Variants in GCA observed in about 807,000 individuals in gnomAD.
GCA encodes grancalcin.
GCA carries 30 observed loss-of-function variants against 32.6 expected under a neutral mutation model. The observed-to-expected ratio is 0.92, with a 90% CI of 0.69 to 1.25. The LOEUF is 1.25. GCA is among the 50% of genes most tolerant of loss of function. GCA has a pLI of 0.00. For missense variants in GCA, 291 were observed against 266.8 expected, an observed-to-expected ratio of 1.09 and a Z score of -0.63; for synonymous variants, 102 against 84.6, an observed-to-expected ratio of 1.21 and a Z score of -1.13.
At position 162,360,961 on chromosome 2, in the gene GCA, G is replaced by C; in HGVS notation, c.*718G>C. 2.7e-6 allele frequency: 3 copies of C among 1,129,900 alleles called. No individual in the cohort carries two copies. The African/African-American group carries it at 4.8e-5, about 18-fold the overall frequency. The allele number at this position is 1,129,900 out of a possible 1,614,324, so 70.0% of individuals were successfully genotyped here. On this transcript the variant is annotated 3_prime_UTR_variant, in exon 8 of 8. Coordinates refer to ENST00000437150, the MANE Select transcript of GCA (RefSeq NM_012198.5). ...GTCCTATTTCATTAGTGAAGACATA[G>C]TTCACCTAAAATGGCATCCTGCTCT...
In GCA at chr2:162,347,678, A is replaced by T; in HGVS notation, c.128A>T (p.Tyr43Phe). 1 of 1,610,136 alleles carries T rather than the reference A, an allele frequency of 6.2e-7. No homozygotes were observed. The highest frequency in any genetic ancestry group is 8.5e-7 in the Non-Finnish European group (1 of 1,177,306). Residue 43 changes from tyrosine to phenylalanine, a missense_variant, in exon 2 of 8, where the codon TAT becomes TTT. Coordinates refer to ENST00000437150, the MANE Select transcript of GCA (RefSeq NM_012198.5). ...ILLDGYSGPA[Y>F]SDTYSSAGDS... The stretch of plus-strand genomic sequence containing the variant: ...CTCGATGGATACTCTGGGCCAGCAT[A>T]TTCAGACACTTATTCCTCAGCTGGT...
intron 1 of GCA, among the ~76,000 whole-genome samples, chr2:162,333,961 A>G (rs903695387): frequency 3.3e-5 from 5 of 152,222 alleles, no homozygotes; most frequent in African/African-American, 9.6e-5. Context: ...GATGAGGCCA[A>G]TTACTGCCTA....
chr2:162,342,872 AT>A (rs1169478177), upstream of GCA, among the ~76,000 whole-genome samples: 1 of 152,166 alleles, frequency 6.6e-6, no homozygotes, highest in Admixed American at 6.5e-5. Flanking sequence ...TAAGCCATGC[AT>A]TTTTCCCTTT....
At position 162,362,637 on chromosome 2, in the gene GCA, A is replaced by G. The variant is rs1685625810; in HGVS notation, c.*2394A>G. Reference sequence around the variant, plus strand: ...AATAAACATTCAAATAGCTTGCTGTAAAGTTTTGTATCATACAAAATCTGT... The same window carrying G: ...AATAAACATTCAAATAGCTTGCTGTGAAGTTTTGTATCATACAAAATCTGT... On this transcript the variant is annotated 3_prime_UTR_variant, in exon 8 of 8. Transcript: ENST00000437150. 1.2e-6 allele frequency: 1 copy of G among 840,256 alleles called. No individual in the cohort carries two copies. Among genetic ancestry groups the G allele is most frequent in the African/African-American group, 1.8e-5 (1 of 54,350 alleles). 52.1% of individuals were successfully genotyped at this position (840,256 alleles called of 1,614,324 possible).
intron 3 of GCA, among the ~76,000 whole-genome samples, chr2:162,354,877 C>T (rs964086587): frequency 2.6e-5 from 4 of 152,138 alleles, no homozygotes; most frequent in African/African-American, 9.7e-5. Flanking sequence ...GTCAACTTTC[C>T]TGAAAAGTCT....
upstream of GCA, among the ~76,000 whole-genome samples, chr2:162,341,428 T>G (rs1216767118): frequency 6.6e-6 from 1 of 151,644 alleles, no homozygotes; most frequent in Non-Finnish European, 1.5e-5. Flanking sequence ...GAAAAAGAAC[T>G]GCAGTTAATT....
downstream of GCA, among the ~76,000 whole-genome samples, chr2:162,367,428 A>C (rs1685787640): frequency 6.6e-6 from 1 of 152,016 alleles, no homozygotes; most frequent in Admixed American, 6.6e-5. Flanking sequence ...ATAGATCTAA[A>C]GAAGGACTTC....
At chr2:162,320,720 T>C (rs1163581991) in intron 1 of GCA, among the ~76,000 whole-genome samples, 2 of 152,220 alleles carry the variant, frequency 1.3e-5, no homozygotes, top group East Asian at 3.8e-4. Flanking sequence ...TAAGTATCTA[T>C]TACATGACCA....
At chr2:162,353,924 A>G (rs1402114413) in intron 3 of GCA, among the ~76,000 whole-genome samples, 1 of 151,350 alleles carries the variant, frequency 6.6e-6, no homozygotes, top group East Asian at 1.9e-4. Flanking sequence ...CTTTTTGGGA[A>G]TTTTCCTCAA....
intron 1 of GCA, among the ~76,000 whole-genome samples, chr2:162,329,159 T>C (rs1322800693): frequency 6.6e-6 from 1 of 152,084 alleles, no homozygotes. Flanking sequence ...TCTTGGGAAA[T>C]GCAACATTTG....
downstream of GCA, chr2:162,372,182 T>C: frequency 9.3e-7 from 1 of 1,077,324 alleles, no homozygotes; most frequent in Non-Finnish European, 1.3e-6. Context: ...TTAAGCATTT[T>C]CTTTCCTCAT....
upstream of GCA, chr2:162,344,126 G>A (rs1388775819): frequency 1.0e-5 from 10 of 991,114 alleles, no homozygotes; most frequent in Admixed American, 5.7e-5. Flanking sequence ...AGTGAACTGT[G>A]CGGTTAGTGC....
intron 1 of GCA, among the ~76,000 whole-genome samples, chr2:162,324,009 G>A (rs1683781764): frequency 6.6e-6 from 1 of 152,134 alleles, no homozygotes; most frequent in Non-Finnish European, 1.5e-5. Context: ...CAGTATGGGG[G>A]TGTGGCTCGC....
chr2:162,342,325 C>A (rs1684480242), upstream of GCA, among the ~76,000 whole-genome samples: 1 of 152,152 alleles, frequency 6.6e-6, no homozygotes, highest in African/African-American at 2.4e-5. Flanking sequence ...TAGTTATAAG[C>A]AAACAAGTAG....
upstream of GCA, among the ~76,000 whole-genome samples, chr2:162,342,740 T>A (rs1684492317): frequency 6.6e-6 from 1 of 152,242 alleles, no homozygotes; most frequent in Non-Finnish European, 1.5e-5. Context: ...AGAATCAGAC[T>A]AACATTGTAA....
At chr2:162,319,078 G>C (rs914806242) in exon 1 of GCA, 2 of 448,090 alleles carry the variant, frequency 4.5e-6, no homozygotes, top group Non-Finnish European at 9.1e-6. Flanking sequence ...CTGGCTGAGG[G>C]TGGTGAGACT....
At position 162,363,119 on chromosome 2, in the gene GCA, G is replaced by A. The variant is rs956251965; in HGVS notation, c.*2876G>A. ...ACAAACAAAATAAATACTCTTTGTC[G>A]GAAATGTGCTCTTTGTCTTTTTACG... On this transcript the variant is annotated 3_prime_UTR_variant, in exon 8 of 8. Transcript: ENST00000437150. 2.6e-5 allele frequency among the ~76,000 whole-genome samples: 4 copies of A among 151,198 alleles called. No individual in the cohort carries two copies. The highest frequency in any genetic ancestry group is 4.8e-5 in the African/African-American group (2 of 41,288).
rs536082033 is a variant in GCA at position 162,325,415 on chromosome 2, A to T, written c.-31+6190A>T. ...GGCCCATTTCTGCAACTTCCTCCTG[A>T]TATCAGGAGCTGACTGAGTAATAAA... On this transcript the variant is annotated intron_variant, in intron 1 of 4. Coordinates refer to the GCA transcript ENST00000429691. Among the ~76,000 whole-genome samples, 4 of 152,236 alleles carry T rather than the reference A, an allele frequency of 2.6e-5. No homozygotes were observed. The South Asian group carries it at 8.3e-4, about 32-fold the overall frequency.
intron 1 of GCA, among the ~76,000 whole-genome samples, chr2:162,320,210 T>C (rs1683614045): frequency 6.6e-6 from 1 of 152,232 alleles, no homozygotes; most frequent in African/African-American, 2.4e-5. Context: ...TGATTTATAC[T>C]GTTCTTTTCT....
Sources: gnomAD v4.1 joint callset for allele counts (sites outside exome capture counted in the v4.1 genomes callset) on GRCh38, gnomAD v4.1.1 for gene constraint, MANE v1.5 for transcripts, NCBI Gene and HGNC (gene_info 2026-07-23, HGNC 2026-07-21) for gene names.